LRMDA: variants seen among roughly 807,000 people sequenced by gnomAD.
LRMDA encodes leucine rich melanocyte differentiation associated.
Under a neutral mutation model 29.8 loss-of-function variants are expected in LRMDA, and 18 were observed. That is an observed-to-expected ratio of 0.60 (90% CI 0.42 to 0.90). LRMDA has a LOEUF of 0.90. Among genes scored for constraint, LRMDA ranks in the 40% least tolerant of loss-of-function variants. LRMDA has a pLI of 0.00. For synonymous variants in LRMDA, 125 were observed against 109.4 expected (o/e 1.14, Z -0.89); for missense variants, 273 against 273.9 (o/e 1.00, Z 0.02).
chr10:76,416,934 C>A (rs1269440174), intron 6 of LRMDA, among the ~76,000 whole-genome samples: 5 of 152,188 alleles, frequency 3.3e-5, no homozygotes, highest in Admixed American at 1.3e-4. Flanking sequence ...GATGTATAAG[C>A]ACTATCTATG....
At chr10:75,997,906 A>C (rs1427124446) in intron 2 of LRMDA, among the ~76,000 whole-genome samples, 1 of 152,020 alleles carries the variant, frequency 6.6e-6, no homozygotes, top group Non-Finnish European at 1.5e-5. Flanking sequence ...CTCTCTCCCC[A>C]ACTCAGTGCT....
chr10:76,505,267 C>T (rs1486692589), intron 6 of LRMDA, among the ~76,000 whole-genome samples: 2 of 151,830 alleles, frequency 1.3e-5, no homozygotes, highest in South Asian at 2.1e-4. Context: ...CTTGATGATT[C>T]TGGTAACTAT....
At chr10:75,932,411 A>C (rs1310206616) in intron 2 of LRMDA, among the ~76,000 whole-genome samples, 6 of 152,154 alleles carry the variant, frequency 3.9e-5, no homozygotes, top group African/African-American at 1.2e-4. Context: ...CCAGGAGTTC[A>C]AGACCAGCCT....
chr10:76,458,055 A>G (rs1842474989), intron 6 of LRMDA, among the ~76,000 whole-genome samples: 2 of 151,976 alleles, frequency 1.3e-5, no homozygotes, highest in South Asian at 4.2e-4. Context: ...CAAGCCAGAT[A>G]GAAATGCATC....
At chr10:76,063,967 C>T (rs1848743990) in intron 5 of LRMDA, among the ~76,000 whole-genome samples, 2 of 152,102 alleles carry the variant, frequency 1.3e-5, no homozygotes, top group African/African-American at 4.8e-5. Flanking sequence ...GTGTTTTGTT[C>T]GTTTCTGTAT....
rs146165758 is a variant in LRMDA, at chr10:75,455,602, T to C, written c.131+17108T>C. ...GCTAGTGAGTGGCATTGGGGAGCTA[T>C]ACATGGAGAGAGGGTTCCCAGCCAG... is the stretch of plus-strand genomic sequence containing the variant. On this transcript the variant is annotated intron_variant, in intron 2 of 6. Coordinates refer to ENST00000611255, the MANE Select transcript of LRMDA (RefSeq NM_001305581.2). Among the ~76,000 whole-genome samples, 1,119 of 152,236 alleles carry C rather than the reference T, an allele frequency of 7.4e-3. 14 individuals are homozygous for C. Among genetic ancestry groups the C allele is most frequent in the African/African-American group, 0.025 (1,033 of 41,532 alleles).
At chr10:76,263,015 GT>G (rs1205009194) in intron 5 of LRMDA, among the ~76,000 whole-genome samples, 2 of 152,078 alleles carry the variant, frequency 1.3e-5, no homozygotes, top group Admixed American at 6.6e-5. Context: ...ACTTTGCAAT[GT>G]TGTTAACATT....
At chr10:76,238,143 C>T (rs1852192420) in intron 5 of LRMDA, among the ~76,000 whole-genome samples, 1 of 152,088 alleles carries the variant, frequency 6.6e-6, no homozygotes, top group Non-Finnish European at 1.5e-5. Context: ...TGTATATCCT[C>T]TTCCAGTTAA....
chr10:76,035,909 C>G, intron 2 of LRMDA, 99 bp from the exon 3 acceptor site: 2 of 1,213,456 alleles, frequency 1.6e-6, no homozygotes, highest in Non-Finnish European at 1.1e-6. Context: ...CCAAACTATT[C>G]CCAGTCCTGA....
intron 5 of LRMDA, among the ~76,000 whole-genome samples, chr10:76,154,773 C>T (rs917448955): frequency 2.0e-5 from 3 of 152,120 alleles, no homozygotes; most frequent in African/African-American, 2.4e-5. Context: ...TGGCATGGTC[C>T]GGACATTAGC....
intron 5 of LRMDA, among the ~76,000 whole-genome samples, chr10:76,321,033 TACTA>T (rs1840764389): frequency 6.6e-6 from 1 of 152,044 alleles, no homozygotes; most frequent in African/African-American, 2.4e-5. Context: ...TTCTCTTAAA[TACTA>T]AATATTATTC....
rs1459442138 is a variant in LRMDA at position 76,363,176 on chromosome 10, A to AGAAAGAAAGAAAGAGGGAG, written c.601+38692_601+38693insAAAGAAAGAAAGAGGGAGG. 5.0e-3 allele frequency among the ~76,000 whole-genome samples: 110 copies of AGAAAGAAAGAAAGAGGGAG among 21,796 alleles called. 5 individuals carry two copies. The highest frequency in any genetic ancestry group is 0.011 in the Admixed American group (22 of 2,060). The allele number at this position is 21,796 out of a possible 152,430, so 14.3% of individuals were successfully genotyped here. A position where few individuals can be genotyped will look rare whatever the true frequency, so the allele number is the denominator to read the frequency against. On this transcript the variant is annotated intron_variant, in intron 6 of 6. Coordinates refer to ENST00000611255, the MANE Select transcript of LRMDA (RefSeq NM_001305581.2). ...AAGAAAGAAAGAAAGAAAGAAAGAA[A>AGAAAGAAAGAAAGAGGGAG]GGAGGGAGGGAGGGAGGGAGGGAGG... is the stretch of plus-strand genomic sequence containing the variant.
At chr10:75,505,377 G>T (rs1052790853) in intron 2 of LRMDA, among the ~76,000 whole-genome samples, 1 of 152,126 alleles carries the variant, frequency 6.6e-6, no homozygotes, top group African/African-American at 2.4e-5. Context: ...CCCAGAAGTT[G>T]CTTACATCCC....
intron 5 of LRMDA, among the ~76,000 whole-genome samples, chr10:76,205,447 G>A (rs918795902): frequency 2.6e-5 from 4 of 152,166 alleles, no homozygotes; most frequent in African/African-American, 9.7e-5. Context: ...AGAGAATCAT[G>A]TTTTTCTGTC....
intron 5 of LRMDA, among the ~76,000 whole-genome samples, chr10:76,180,481 A>T (rs1465691077): frequency 6.6e-6 from 1 of 151,748 alleles, no homozygotes; most frequent in African/African-American, 2.4e-5. Flanking sequence ...GGGTTTCACC[A>T]TGTTGGCCAA....
intron 4 of LRMDA, among the ~76,000 whole-genome samples, chr10:76,049,172 C>T (rs1045657262): frequency 6.6e-6 from 1 of 152,120 alleles, no homozygotes; most frequent in Non-Finnish European, 1.5e-5. Flanking sequence ...CATGGGCTAG[C>T]CTGGGCACCC....
intron 2 of LRMDA, among the ~76,000 whole-genome samples, chr10:75,686,794 C>G (rs1016021151): frequency 6.6e-6 from 1 of 152,162 alleles, no homozygotes; most frequent in Non-Finnish European, 1.5e-5. Flanking sequence ...GAAGGTTTGT[C>G]GCAACCCTGT....
chr10:76,076,745 G>A (rs538409236), intron 5 of LRMDA, among the ~76,000 whole-genome samples: 3 of 152,092 alleles, frequency 2.0e-5, no homozygotes, highest in Non-Finnish European at 2.9e-5. Flanking sequence ...AAGGAGAGCT[G>A]GAGTCATCAA....
chr10:76,102,432 G>A (rs543973300), intron 5 of LRMDA, among the ~76,000 whole-genome samples: 1 of 152,178 alleles, frequency 6.6e-6, no homozygotes, highest in African/African-American at 2.4e-5. Flanking sequence ...TCCCCTCTTA[G>A]TGTTTGCGAA....
Sources: allele counts gnomAD v4.1 joint callset (sites outside exome capture counted in the v4.1 genomes callset), GRCh38; gene constraint gnomAD v4.1.1; transcripts MANE v1.5; gene names NCBI Gene and HGNC (gene_info 2026-07-23, HGNC 2026-07-21).